Variants in KCNMA1 observed in about 807,000 individuals in gnomAD.
The protein encoded by KCNMA1 is potassium calcium-activated channel subfamily M alpha 1, also known as Calcium-activated potassium channel subunit alpha-1.
KCNMA1 carries 29 observed loss-of-function variants against 140.0 expected under a neutral mutation model. The ratio of observed to expected loss-of-function variants is 0.21; its 90% CI spans 0.15 to 0.28. The LOEUF (loss-of-function observed/expected upper bound fraction) is 0.28. Among genes scored for constraint, KCNMA1 ranks in the 10% least tolerant of loss-of-function variants. KCNMA1 has a pLI of 1.00. For missense variants in KCNMA1, 880 were observed against 1,602.2 expected (o/e 0.55, Z 7.70); for synonymous variants, 612 against 611.9 (o/e 1.00, Z 0.00).
intron 13 of KCNMA1, among the ~76,000 whole-genome samples, chr10:77,073,713 A>G (rs1448348974): frequency 6.6e-6 from 1 of 152,176 alleles, no homozygotes. Context: ...ACAGTTTCTG[A>G]AAACACAGAT....
intron 2 of KCNMA1, among the ~76,000 whole-genome samples, chr10:77,307,337 A>G (rs1488974798): frequency 6.6e-6 from 1 of 152,146 alleles, no homozygotes; most frequent in African/African-American, 2.4e-5. Context: ...TGATTTTTTG[A>G]GTTTACAATA....
intron 21 of KCNMA1, among the ~76,000 whole-genome samples, chr10:76,950,367 T>G (rs1272962350): frequency 1.3e-5 from 2 of 152,158 alleles, no homozygotes; most frequent in Non-Finnish European, 2.9e-5. Flanking sequence ...GCCAGTGTCT[T>G]CCTCCAACTC....
At chr10:77,136,156 C>CT (rs2154005449) in intron 5 of KCNMA1, among the ~76,000 whole-genome samples, 1 of 152,132 alleles carries the variant, frequency 6.6e-6, no homozygotes, top group South Asian at 2.1e-4. Context: ...GGAATATAGC[C>CT]TAAGAAAATA....
chr10:76,974,572 G>T, intron 19 of KCNMA1: 1 of 1,540,500 alleles, frequency 6.5e-7, no homozygotes, highest in South Asian at 1.2e-5. Context: ...CTGCAACCTT[G>T]ACTGCCAAAC....
intron 1 of KCNMA1, among the ~76,000 whole-genome samples, chr10:77,563,135 T>A (rs960986006): frequency 6.6e-6 from 1 of 152,140 alleles, no homozygotes; most frequent in Non-Finnish European, 1.5e-5. Flanking sequence ...TCTTTTTTTT[T>A]CCAAACCCGT....
chr10:77,080,431 G>A (rs2096536271), intron 12 of KCNMA1, among the ~76,000 whole-genome samples: 4 of 152,098 alleles, frequency 2.6e-5, no homozygotes, highest in African/African-American at 9.7e-5. Flanking sequence ...AACCTTCATG[G>A]GCTAAGCCCC....
At position 76,968,092 on chromosome 10, in the gene KCNMA1, C is replaced by G. The variant is rs551940418; in HGVS notation, c.2360+1882G>C. 1.4e-4 allele frequency among the ~76,000 whole-genome samples: 22 copies of G among 152,176 alleles called. No individual in the cohort carries two copies. The South Asian group carries it at 4.2e-3, about 29-fold the overall frequency. On this transcript the variant is annotated intron_variant, in intron 20 of 27. Transcript: ENST00000286628. ...TTCTGCTTGTGGAAAAAAAGTCCCC[C>G]CAAGGCTACCTCAAACCATCACTTT...
At chr10:77,270,351 C>T (rs796917619) in intron 2 of KCNMA1, among the ~76,000 whole-genome samples, 7 of 152,200 alleles carry the variant, frequency 4.6e-5, no homozygotes, top group African/African-American at 1.4e-4. Context: ...ATGTTGGTCC[C>T]GGGGAACTGG....
intron 23 of KCNMA1, among the ~76,000 whole-genome samples, chr10:76,933,022 G>A (rs892048508): frequency 1.3e-5 from 2 of 152,166 alleles, no homozygotes; most frequent in African/African-American, 4.8e-5. Flanking sequence ...ATTAGTAAAG[G>A]TTAAGGGAAT....
intron 2 of KCNMA1, among the ~76,000 whole-genome samples, chr10:77,279,552 G>A (rs1461373288): frequency 2.0e-5 from 3 of 152,144 alleles, no homozygotes; most frequent in Non-Finnish European, 4.4e-5. Context: ...GGAGATAAAT[G>A]CCAAGCCCAA....
chr10:77,117,365 A>G (rs1010501611), intron 6 of KCNMA1, among the ~76,000 whole-genome samples: 1 of 152,008 alleles, frequency 6.6e-6, no homozygotes, highest in East Asian at 1.9e-4. Context: ...CGTGGCCAAC[A>G]CGGTGAAACC....
intron 1 of KCNMA1, among the ~76,000 whole-genome samples, chr10:77,404,608 G>A (rs997627064): frequency 1.3e-5 from 2 of 152,220 alleles, no homozygotes; most frequent in Non-Finnish European, 2.9e-5. Context: ...ATCTGTCTAA[G>A]ATTAGGGCAT....
chr10:76,972,739 C>G (rs2076408658), intron 19 of KCNMA1, among the ~76,000 whole-genome samples: 1 of 152,154 alleles, frequency 6.6e-6, no homozygotes, highest in South Asian at 2.1e-4. Flanking sequence ...CCTAAAAATG[C>G]AGATCTGTTC....
intron 2 of KCNMA1, among the ~76,000 whole-genome samples, chr10:77,284,571 T>C (rs1317832790): frequency 6.6e-6 from 1 of 152,096 alleles, no homozygotes; most frequent in African/African-American, 2.4e-5. Flanking sequence ...TGGAGTGCAG[T>C]GGCACGATCT....
chr10:77,568,815 T>G (rs1035192794), intron 1 of KCNMA1, among the ~76,000 whole-genome samples: 3 of 151,548 alleles, frequency 2.0e-5, no homozygotes, highest in African/African-American at 4.8e-5. Flanking sequence ...GCAGATGACA[T>G]GATTGTATAT....
chr10:76,891,462 G>A (rs531677302), intron 26 of KCNMA1, 63 bp downstream of exon 26: 49 of 1,319,646 alleles, frequency 3.7e-5, no homozygotes, highest in South Asian at 2.3e-4. Context: ...CTGATACCAC[G>A]TTCTTCAGGA....
chr10:77,296,918 G>GGGGGGGGGGA (rs34224383), intron 2 of KCNMA1, among the ~76,000 whole-genome samples: 14 of 144,586 alleles, frequency 9.7e-5, no homozygotes, highest in Non-Finnish European at 2.2e-4. Flanking sequence ...TGGGCGGGGG[G>GGGGGGGGGGA]GCGGTGGGGG....
At chr10:76,931,691 C>T (rs1227655489) in intron 23 of KCNMA1, among the ~76,000 whole-genome samples, 1 of 152,134 alleles carries the variant, frequency 6.6e-6, no homozygotes, top group Non-Finnish European at 1.5e-5. Context: ...CTGTCCCAAT[C>T]TCTGCTTCAG....
At chr10:77,294,793 C>T (rs1295230586) in intron 2 of KCNMA1, among the ~76,000 whole-genome samples, 1 of 152,010 alleles carries the variant, frequency 6.6e-6, no homozygotes, top group African/African-American at 2.4e-5. Flanking sequence ...GTGCCACACG[C>T]CTGTAATCCC....
Sources: allele counts gnomAD v4.1 joint callset (sites outside exome capture counted in the v4.1 genomes callset), GRCh38; gene constraint gnomAD v4.1.1; transcripts MANE v1.5; gene names NCBI Gene and HGNC (gene_info 2026-07-23, HGNC 2026-07-21).